Variants in SORL1 observed in about 807,000 individuals in gnomAD.
SORL1 encodes sortilin related receptor 1, also known as sortilin-related receptor.
In SORL1, 127 loss-of-function variants were observed where a neutral mutation model predicts 273.7. That is an observed-to-expected ratio of 0.46 (90% CI 0.40 to 0.54). SORL1 has a LOEUF of 0.54. Among genes scored for constraint, SORL1 ranks in the 20% least tolerant of loss-of-function variants. SORL1 has a pLI of 0.00. For missense variants in SORL1, 2,494 were observed against 2,846.1 expected (o/e 0.88, Z 2.81); for synonymous variants, 1,031 against 1,067.4 (o/e 0.97, Z 0.66).
At chr11:121,570,104 C>T in intron 22 of SORL1, 53 bp from the exon 23 acceptor site, 3 of 1,169,954 alleles carry the variant, frequency 2.6e-6, no homozygotes, top group Non-Finnish European at 3.8e-6. Context: ...TGTGGTCCAG[C>T]AGTAAGAATA....
At chr11:121,515,154 C>T (rs890855849) in intron 8 of SORL1, among the ~76,000 whole-genome samples, 3 of 152,218 alleles carry the variant, frequency 2.0e-5, no homozygotes, top group Non-Finnish European at 2.9e-5. Flanking sequence ...TATGCTGCTG[C>T]TCTCTGCCAG....
At chr11:121,494,981 T>C (rs987482) in intron 5 of SORL1, among the ~76,000 whole-genome samples, 5,071 of 152,296 alleles carry the variant, frequency 0.033, 116 homozygotes, top group East Asian at 0.11. Flanking sequence ...TGAAGAATAG[T>C]GTTCTCCCAC....
At position 121,536,427 on chromosome 11, in the gene SORL1, G is replaced by GTTT. The variant is rs1222441901; in HGVS notation, c.1685+3892_1685+3894dup. On this transcript the variant is annotated intron_variant, in intron 12 of 47. Transcript: ENST00000260197. ...GAGAAGCAGGTGTTCTTATCACTGT[G>GTTT]TTTTTTTTTTTTTTTTTTTCTGGAG... 1.0e-4 allele frequency among the ~76,000 whole-genome samples: 13 copies of GTTT among 128,634 alleles called. 1 individual carries two copies. The highest frequency in any genetic ancestry group is 2.2e-4 in the East Asian group (1 of 4,644). 84.4% of individuals were successfully genotyped at this position (128,634 alleles called of 152,430 possible).
In SORL1 at chr11:121,627,287, AT is replaced by A. The variant is rs1863810195; in HGVS notation, c.6365-266del. On this transcript the variant is annotated intron_variant, in intron 46 of 47. Coordinates refer to ENST00000260197, the MANE Select transcript of SORL1 (RefSeq NM_003105.6). The surrounding 1 kb of genome is among the most constrained non-coding windows in gnomAD (Gnocchi z 4.9). Reference sequence around the variant, plus strand: ...CCAACAAAGGTCTCCCTTCCAAGAGATTATCTAAATAACCAACAAGGCAGTG... The same window carrying A: ...CCAACAAAGGTCTCCCTTCCAAGAGATATCTAAATAACCAACAAGGCAGTG... The A allele has an allele frequency of 2.1e-6, 1 of 467,846 alleles. No individual in the cohort carries two copies. Among genetic ancestry groups the A allele is most frequent in the Admixed American group, 3.8e-5 (1 of 26,126 alleles). 29.0% of individuals were successfully genotyped at this position (467,846 alleles called of 1,614,324 possible).
At chr11:121,555,597 A>AT (rs1565334964) in intron 18 of SORL1, among the ~76,000 whole-genome samples, 1 of 151,972 alleles carries the variant, frequency 6.6e-6, no homozygotes, top group African/African-American at 2.4e-5. Flanking sequence ...TTTATATATT[A>AT]TTTTTGTTTT....
At chr11:121,544,396 A>G (rs1399420149) in intron 13 of SORL1, among the ~76,000 whole-genome samples, 1 of 152,190 alleles carries the variant, frequency 6.6e-6, no homozygotes, top group East Asian at 1.9e-4. Flanking sequence ...CTCTATGTCC[A>G]GAACATAAGT....
intron 45 of SORL1, among the ~76,000 whole-genome samples, chr11:121,622,525 A>C (rs1863738043): frequency 6.6e-6 from 1 of 152,234 alleles, no homozygotes; most frequent in South Asian, 2.1e-4. Flanking sequence ...CCCCTGAAGA[A>C]AGACAAATGG....
chr11:121,560,152 C>T (rs1348814138), intron 21 of SORL1, among the ~76,000 whole-genome samples: 4 of 152,212 alleles, frequency 2.6e-5, no homozygotes, highest in Non-Finnish European at 5.9e-5. Flanking sequence ...TAACTTTTCC[C>T]ACCATGAAAC....
chr11:121,541,371 T>A (rs542385301), intron 12 of SORL1, among the ~76,000 whole-genome samples: 21 of 152,234 alleles, frequency 1.4e-4, no homozygotes, highest in African/African-American at 5.1e-4. Flanking sequence ...ACGTGACTAA[T>A]TTTTTAAAAA....
At position 121,595,918 on chromosome 11, in the gene SORL1, A is replaced by C; in HGVS notation, c.4519+146A>C. On this transcript the variant is annotated intron_variant, in intron 32 of 47. Coordinates refer to ENST00000260197, the MANE Select transcript of SORL1 (RefSeq NM_003105.6). The surrounding 1 kb of genome is among the most constrained non-coding windows in gnomAD (Gnocchi z 5.1). ...CCATGCTCTTACTGCATTCTCCACA[A>C]GCGCTTTGCCACGTGCACCCATACC... 1.2e-6 allele frequency: 1 copy of C among 847,342 alleles called. No homozygotes were observed. The highest frequency in any genetic ancestry group is 1.7e-5 in the African/African-American group (1 of 58,428). 52.5% of individuals were successfully genotyped at this position (847,342 alleles called of 1,614,324 possible). A position where few individuals can be genotyped will look rare whatever the true frequency, so the allele number is the denominator to read the frequency against.
intron 5 of SORL1, among the ~76,000 whole-genome samples, chr11:121,492,181 T>C (rs1271593257): frequency 6.6e-6 from 1 of 152,000 alleles, no homozygotes; most frequent in Non-Finnish European, 1.5e-5. Context: ...GCCAACATGA[T>C]GAAACCCCAT....
At chr11:121,577,051 A>C (rs1591335143) in intron 24 of SORL1, 1 of 1,205,686 alleles carries the variant, frequency 8.3e-7, no homozygotes, top group Middle Eastern at 1.9e-4. Flanking sequence ...AAGCAGCTCT[A>C]AGGGTCTGAG....
chr11:121,545,613 T>C (rs1432706953), intron 14 of SORL1, among the ~76,000 whole-genome samples, 184 bp downstream of exon 14: 3 of 152,230 alleles, frequency 2.0e-5, no homozygotes, highest in Non-Finnish European at 4.4e-5. Context: ...AGTTGTTTTC[T>C]TTAGTTCTTA....
At chr11:121,504,692 T>A (rs911532892) in intron 6 of SORL1, among the ~76,000 whole-genome samples, 1 of 152,130 alleles carries the variant, frequency 6.6e-6, no homozygotes, top group African/African-American at 2.4e-5. Flanking sequence ...TTATTTATTT[T>A]TTTGCCCAAC....
intron 3 of SORL1, among the ~76,000 whole-genome samples, chr11:121,486,999 C>CT (rs1432700576): frequency 3.3e-5 from 5 of 152,170 alleles, no homozygotes; most frequent in Admixed American, 6.5e-5. Context: ...TGCTATATCT[C>CT]TTTTCCCCCT....
At chr11:121,583,689 G>A (rs1863049163) in intron 26 of SORL1, 106 bp downstream of exon 26, 3 of 1,261,838 alleles carry the variant, frequency 2.4e-6, no homozygotes, top group Non-Finnish European at 3.2e-6. Context: ...TCCTATGCCT[G>A]TATTTACACT....
chr11:121,602,603 TAGG>T (rs1863410395), intron 32 of SORL1, among the ~76,000 whole-genome samples: 1 of 152,116 alleles, frequency 6.6e-6, no homozygotes, highest in Admixed American at 6.5e-5. Context: ...TTGTTTATGT[TAGG>T]AGGAAGGAGA....
chr11:121,487,980 T>C, intron 3 of SORL1, 52 bp from the exon 4 acceptor site: 1 of 1,597,566 alleles, frequency 6.3e-7, no homozygotes, highest in Non-Finnish European at 8.6e-7. Context: ...TAGGGGAGTG[T>C]TGGGCAGCTC....
chr11:121,468,164 C>T (rs900300920), intron 1 of SORL1, among the ~76,000 whole-genome samples: 10 of 152,056 alleles, frequency 6.6e-5, no homozygotes, highest in African/African-American at 1.4e-4. Flanking sequence ...GGTTTTCTGC[C>T]GCAGAGCCTT....
Sources: allele counts gnomAD v4.1 joint callset (sites outside exome capture counted in the v4.1 genomes callset), GRCh38; gene constraint gnomAD v4.1.1; non-coding constraint Gnocchi (gnomAD v3.1); transcripts MANE v1.5; gene names NCBI Gene and HGNC (gene_info 2026-07-23, HGNC 2026-07-21).